Variants in CRYBA4 observed in about 807,000 individuals in gnomAD.
CRYBA4 encodes the protein crystallin beta A4.
In CRYBA4, 30 loss-of-function variants were observed where a neutral mutation model predicts 31.7. That is an observed-to-expected ratio of 0.95 (90% confidence interval 0.71 to 1.28). The LOEUF is 1.28. Among genes scored for constraint, CRYBA4 ranks in the 50% most tolerant of loss-of-function variants. The pLI is 0.00. For synonymous variants in CRYBA4, 102 were observed against 102.3 expected (o/e 1.00, Z 0.02); for missense variants, 225 against 260.7 (o/e 0.86, Z 0.94).
At chr22:26,620,724 G>T (rs532063535), upstream of CRYBA4, among the ~76,000 whole-genome samples, 4 of 151,170 alleles carry the variant, frequency 2.6e-5, no homozygotes, top group Non-Finnish European at 5.9e-5. Flanking sequence ...CGCTACTCCC[G>T]GCTAATTTTT....
the CRYBA4 span, chr22:26,608,136 G>A: frequency 2.0e-6 from 3 of 1,464,098 alleles, no homozygotes; most frequent in Non-Finnish European, 2.8e-6. Flanking sequence ...CAGTAGGAAA[G>A]TCCAAAGGGG....
the CRYBA4 span, among the ~76,000 whole-genome samples, chr22:26,607,577 A>G: frequency 6.6e-6 from 1 of 151,792 alleles, no homozygotes; most frequent in Admixed American, 6.6e-5. Context: ...AAAAAAAAAA[A>G]AAGCTCCCAG....
chr22:26,622,496 G>A (rs1484886238), intron 1 of CRYBA4, 89 bp from the exon 2 acceptor site: 31 of 1,135,266 alleles, frequency 2.7e-5, no homozygotes, highest in Non-Finnish European at 3.8e-5. Flanking sequence ...CTCCCTATGT[G>A]GATCCTGACC....
At chr22:26,604,713 G>A in the CRYBA4 span, among the ~76,000 whole-genome samples, 1 of 152,228 alleles carries the variant, frequency 6.6e-6, no homozygotes, top group Admixed American at 6.5e-5. Context: ...GAAGGCAAGT[G>A]CAAGGTGCCA....
chr22:26,618,823 C>A (rs925068310), upstream of CRYBA4, among the ~76,000 whole-genome samples: 1 of 152,290 alleles, frequency 6.6e-6, no homozygotes, highest in Middle Eastern at 3.4e-3. Flanking sequence ...GGTTGGATAT[C>A]GGAGACCTGG....
At chr22:26,613,904 A>G in the CRYBA4 span, among the ~76,000 whole-genome samples, 22 of 152,210 alleles carry the variant, frequency 1.4e-4, no homozygotes, top group African/African-American at 5.3e-4. Flanking sequence ...TCCCTGAGAA[A>G]GAGAATGCGC....
chr22:26,614,403 C>A, the CRYBA4 span, among the ~76,000 whole-genome samples: 1 of 151,974 alleles, frequency 6.6e-6, no homozygotes, highest in East Asian at 1.9e-4. Flanking sequence ...TCAAGCTGGC[C>A]GACGCTTAGG....
the CRYBA4 span, among the ~76,000 whole-genome samples, chr22:26,595,342 C>T: frequency 6.6e-5 from 10 of 151,760 alleles, no homozygotes; most frequent in African/African-American, 1.7e-4. Context: ...TTTGGGAGGC[C>T]GAGGCAGGAG....
At chr22:26,616,164 C>T in the CRYBA4 span, 1,449 of 1,614,174 alleles carry the variant, frequency 9.0e-4, 2 homozygotes, top group Middle Eastern at 1.5e-3. Flanking sequence ...GAGGCAGTTC[C>T]GCCGCCTTGG....
the CRYBA4 span, chr22:26,596,593 C>G: frequency 6.6e-6 from 1 of 152,118 alleles, no homozygotes; most frequent in Non-Finnish European, 1.5e-5. Flanking sequence ...TTCTCTTTTT[C>G]CTCCTGGAAT....
intron 2 of CRYBA4, 74 bp from the exon 3 acceptor site, chr22:26,623,149 TGCCAGATCCTG>T: frequency 8.9e-7 from 1 of 1,128,480 alleles, no homozygotes; most frequent in African/African-American, 1.5e-5. Flanking sequence ...CTGCTTTACC[TGCCAGATCCTG>T]GGGCGAGCCC....
intron 3 of CRYBA4, among the ~76,000 whole-genome samples, chr22:26,624,494 T>C (rs1929644642): frequency 6.6e-6 from 1 of 152,184 alleles, no homozygotes; most frequent in East Asian, 1.9e-4. Flanking sequence ...GATAGGAGAT[T>C]TGGAGTCACT....
chr22:26,597,407 C>G, the CRYBA4 span, among the ~76,000 whole-genome samples: 3 of 152,186 alleles, frequency 2.0e-5, no homozygotes, highest in African/African-American at 7.2e-5. Context: ...CAGATTTATA[C>G]CAATAATTTC....
chr22:26,609,598 G>C, the CRYBA4 span, among the ~76,000 whole-genome samples: 1 of 152,148 alleles, frequency 6.6e-6, no homozygotes, highest in Non-Finnish European at 1.5e-5. Context: ...ACACATGGTG[G>C]GTACGTGTGT....
chr22:26,614,578 C>T, the CRYBA4 span, among the ~76,000 whole-genome samples: 2 of 152,014 alleles, frequency 1.3e-5, no homozygotes, highest in Admixed American at 6.6e-5. Context: ...CAGGCAGCAG[C>T]CAGAATGAAT....
At chr22:26,627,316 TTTC>T (rs1471781540) in intron 4 of CRYBA4, among the ~76,000 whole-genome samples, 2 of 148,860 alleles carry the variant, frequency 1.3e-5, no homozygotes, top group African/African-American at 4.9e-5. Context: ...TCTTTTTTCT[TTTC>T]TTTTCTTTTC....
chr22:26,627,720 C>A (rs1602342552), intron 4 of CRYBA4, among the ~76,000 whole-genome samples: 1 of 151,214 alleles, frequency 6.6e-6, no homozygotes, highest in East Asian at 2.0e-4. Context: ...ACAATCTCGG[C>A]TCACTGCAAC....
chr22:26,597,789 G>C, the CRYBA4 span, among the ~76,000 whole-genome samples: 2 of 152,156 alleles, frequency 1.3e-5, no homozygotes, highest in Non-Finnish European at 1.5e-5. Flanking sequence ...ACAAGAAAAC[G>C]ATGCTCTTTT....
At chr22:26,591,890 T>TACACACACACACACACACACAC in the CRYBA4 span, among the ~76,000 whole-genome samples, 9 of 135,954 alleles carry the variant, frequency 6.6e-5, no homozygotes, top group African/African-American at 1.7e-4. Flanking sequence ...CCTGGGTGAG[T>TACACACACACACACACACACAC]ACACACACAC....
Sources: gnomAD v4.1 joint callset for allele counts (sites outside exome capture counted in the v4.1 genomes callset) on GRCh38, gnomAD v4.1.1 for gene constraint, MANE v1.5 for transcripts, NCBI Gene and HGNC (gene_info 2026-07-23, HGNC 2026-07-21) for gene names.